CRYBG3: variants seen among roughly 807,000 people sequenced by gnomAD.
CRYBG3 encodes crystallin beta-gamma domain containing 3.
Under a neutral mutation model 244.2 loss-of-function variants are expected in CRYBG3, and 127 were observed. The ratio of observed to expected loss-of-function variants is 0.52; its 90% CI spans 0.45 to 0.60. CRYBG3 has a LOEUF of 0.60. Ranked by LOEUF, CRYBG3 falls within the 20% of genes least tolerant of loss-of-function variation. The pLI is 0.00. For missense variants in CRYBG3, 3,325 were observed against 3,442.5 expected (o/e 0.97, Z 0.85); for synonymous variants, 1,132 against 1,195.8 (o/e 0.95, Z 1.10).
At chr3:97,894,547 A>G (rs2039618911) in intron 11 of CRYBG3, among the ~76,000 whole-genome samples, 1 of 152,172 alleles carries the variant, frequency 6.6e-6, no homozygotes, top group Non-Finnish European at 1.5e-5. Context: ...TTCTCAGATA[A>G]TACCTATCTT....
At chr3:97,939,743 T>C (rs1575979683) in intron 19 of CRYBG3, among the ~76,000 whole-genome samples, 1 of 152,186 alleles carries the variant, frequency 6.6e-6, no homozygotes, top group East Asian at 1.9e-4. Context: ...CCGGCTGAAT[T>C]ATAGACATTT....
chr3:97,882,671 T>C (rs1283810593), intron 7 of CRYBG3, among the ~76,000 whole-genome samples: 1 of 152,206 alleles, frequency 6.6e-6, no homozygotes, highest in Non-Finnish European at 1.5e-5. Flanking sequence ...TTTCAAGTTA[T>C]GGAGATTTCA....
At chr3:97,828,686 G>A (rs763011557) in intron 1 of CRYBG3, among the ~76,000 whole-genome samples, 108 of 151,692 alleles carry the variant, frequency 7.1e-4, no homozygotes, top group Non-Finnish European at 1.1e-3. Flanking sequence ...AAAATTAGCC[G>A]GTGTGGTGGT....
chr3:97,905,631 A>C (rs924701352), intron 15 of CRYBG3, among the ~76,000 whole-genome samples: 1 of 151,342 alleles, frequency 6.6e-6, no homozygotes, highest in African/African-American at 2.4e-5. Flanking sequence ...TTCATTGTAG[A>C]TTCTGGATAT....
intron 6 of CRYBG3, among the ~76,000 whole-genome samples, chr3:97,880,535 T>C (rs764414343): frequency 4.6e-5 from 7 of 152,216 alleles, no homozygotes; most frequent in African/African-American, 1.7e-4. Context: ...TTGTATGGTC[T>C]AAAAATGAGG....
intron 2 of CRYBG3, among the ~76,000 whole-genome samples, chr3:97,849,232 C>T (rs1400251097): frequency 2.6e-5 from 4 of 152,164 alleles, no homozygotes; most frequent in Non-Finnish European, 4.4e-5. Flanking sequence ...AAATGATTGC[C>T]TTCTTGCCAT....
chr3:97,856,962 G>T (rs1214125859), intron 2 of CRYBG3, among the ~76,000 whole-genome samples: 1 of 151,958 alleles, frequency 6.6e-6, no homozygotes, highest in African/African-American at 2.4e-5. Context: ...TGCTTTGCTA[G>T]TTTCTTGAGG....
chr3:97,938,120 T>C (rs536287577), intron 19 of CRYBG3, among the ~76,000 whole-genome samples: 1 of 152,160 alleles, frequency 6.6e-6, no homozygotes, highest in African/African-American at 2.4e-5. Flanking sequence ...TTTAGAACAC[T>C]TTCTTGCTTG....
At chr3:97,935,500 G>A (rs1345462942) in intron 18 of CRYBG3, among the ~76,000 whole-genome samples, 1 of 151,922 alleles carries the variant, frequency 6.6e-6, no homozygotes, top group East Asian at 1.9e-4. Flanking sequence ...TCTTAGTGGT[G>A]GTCAGGTTGA....
chr3:97,835,488 T>C (rs1203553775), intron 1 of CRYBG3, among the ~76,000 whole-genome samples: 1 of 152,110 alleles, frequency 6.6e-6, no homozygotes, highest in Non-Finnish European at 1.5e-5. Context: ...GGCACAATCA[T>C]GTGGCACAGA....
intron 3 of CRYBG3, among the ~76,000 whole-genome samples, chr3:97,865,174 C>G (rs1229611817): frequency 6.6e-6 from 1 of 152,122 alleles, no homozygotes; most frequent in Non-Finnish European, 1.5e-5. Flanking sequence ...AACACACATC[C>G]ACTTGTTTTT....
Position 97,885,369 on chromosome 3 carries a change from G to T in CRYBG3, c.7153-1262G>T, listed in dbSNP as rs77585855. Among the ~76,000 whole-genome samples the T allele has an allele frequency of 1.7e-4, 26 of 152,126 alleles. 1 individual carries two copies. The East Asian group carries it at 5.0e-3, about 29-fold the overall frequency. ...TAGAATTGTTCAGTCTCTTATAAAT[G>T]CCACCTCTATTATTACATTTACCTA... On this transcript the variant is annotated intron_variant, in intron 7 of 21. Coordinates refer to ENST00000389622, the MANE Select transcript of CRYBG3 (RefSeq NM_153605.4).
At chr3:97,840,584 CTG>C (rs1416112730) in intron 1 of CRYBG3, 1 of 152,050 alleles carries the variant, frequency 6.6e-6, no homozygotes, top group Non-Finnish European at 1.5e-5. Context: ...TTTGAAAAGA[CTG>C]AGTTCTGCCA....
rs376823008 is a variant in CRYBG3, at chr3:97,877,370, G to A, written c.6176G>A (p.Gly2059Asp). The change falls in exon 4 of 22, where the codon GGT (glycine) becomes GAT (aspartate). Residue 2059 changes from glycine to aspartate, a missense_variant. Coordinates refer to ENST00000389622, the MANE Select transcript of CRYBG3 (RefSeq NM_153605.4). ...CACTTTGAAAAAGGTACTAAATTAG[G>A]TGAGACATTTGATAGTGATAGTTCA... is the stretch of plus-strand genomic sequence containing the variant. The part of the protein sequence containing the change: ...VHHFEKGTKL[G>D]ETFDSDSSEM... The A allele has an allele frequency of 4.3e-6, 7 of 1,613,986 alleles. No homozygotes were observed. In the African/African-American group the frequency reaches 5.3e-5, roughly 12 times the overall value.
At chr3:97,896,883 G>A (rs1412931060) in intron 12 of CRYBG3, among the ~76,000 whole-genome samples, 1 of 152,158 alleles carries the variant, frequency 6.6e-6, no homozygotes, top group Non-Finnish European at 1.5e-5. Flanking sequence ...ATTTTGCCAT[G>A]TTTAGGGAAA....
At chr3:97,839,755 C>CA (rs1559714501) in intron 1 of CRYBG3, among the ~76,000 whole-genome samples, 13 of 146,280 alleles carry the variant, frequency 8.9e-5, no homozygotes, top group Non-Finnish European at 1.5e-5. Context: ...GCCCAGCCCC[C>CA]TTTTTTTTTT....
Position 97,892,850 on chromosome 3 carries a change from A to C in CRYBG3, c.7441-10A>C, listed in dbSNP as rs773451180. 2.9e-6 allele frequency: 4 copies of C among 1,389,794 alleles called. No homozygotes were observed. In the East Asian group the frequency reaches 9.9e-5, roughly 34 times the overall value. The allele number at this position is 1,389,794 out of a possible 1,614,324, so 86.1% of individuals were successfully genotyped here. A position where few individuals can be genotyped will look rare whatever the true frequency, so the allele number is the denominator to read the frequency against. ...ATATTAAAATATAAACATGTTAAAT[A>C]ATTTTTCAGGTTATTATTTATGAAA... On this transcript the variant is annotated splice_polypyrimidine_tract_variant and intron_variant, in intron 10 of 21. Transcript: ENST00000389622.
At chr3:97,886,370 A>G (rs1418814886) in intron 7 of CRYBG3, among the ~76,000 whole-genome samples, 1 of 152,188 alleles carries the variant, frequency 6.6e-6, no homozygotes, top group East Asian at 1.9e-4. Context: ...TGCTTAATGG[A>G]ACGAATCTTT....
In CRYBG3 at chr3:97,822,264, G is replaced by T. The variant is rs1474348066; in HGVS notation, c.58G>T (p.Ala20Ser). 1.2e-5 allele frequency: 19 copies of T among 1,529,780 alleles called. No homozygotes were observed. The South Asian group carries it at 2.3e-4, about 18-fold the overall frequency. The allele number at this position is 1,529,780 out of a possible 1,614,324, so 94.8% of individuals were successfully genotyped here. The change falls in exon 1 of 22, where the codon GCT (alanine) becomes TCT (serine). Residue 20 changes from alanine to serine, a missense_variant. Around this residue, in one of 4 missense-constraint regions of CRYBG3, gnomAD observed 1,526 missense variants for 1,443.2 expected, o/e 1.06. Transcript: ENST00000389622. Reference protein sequence around the residue: ...APWHSFSRFFAPRSPSRDKEE... With the variant: ...APWHSFSRFFSPRSPSRDKEE... ...CTGGCACAGCTTCTCCCGGTTCTTC[G>T]CTCCCCGAAGTCCTTCCCGGGACAA...
Sources: gnomAD v4.1 joint callset for allele counts (sites outside exome capture counted in the v4.1 genomes callset) on GRCh38, gnomAD v4.1.1 for gene constraint, gnomAD v4.1.1 regional missense constraint, MANE v1.5 for transcripts, NCBI Gene and HGNC (gene_info 2026-07-23, HGNC 2026-07-21) for gene names.